PID1: variants seen among roughly 807,000 people sequenced by gnomAD.
The protein encoded by PID1 is PTB-containing, cubilin and LRP1-interacting protein.
A neutral mutation model predicts 19.1 loss-of-function variants in PID1; 10 were observed. The observed-to-expected ratio is 0.52, with a 90% CI of 0.32 to 0.89. The LOEUF (loss-of-function observed/expected upper bound fraction) is 0.89, where lower values mean the gene tolerates loss of function less well. Ranked by LOEUF, PID1 falls within the 40% of genes least tolerant of loss-of-function variation. PID1 has a pLI of 0.03. For synonymous variants in PID1, 130 were observed against 116.0 expected (o/e 1.12, Z -0.78); for missense variants, 248 against 285.3 (o/e 0.87, Z 0.94).
chr2:229,194,764 T>C (rs1056288964), intron 1 of PID1, among the ~76,000 whole-genome samples: 1 of 151,894 alleles, frequency 6.6e-6, no homozygotes, highest in Admixed American at 6.6e-5. Context: ...AAATAAGTAA[T>C]AGAGGATAGA....
At chr2:229,198,824 A>T (rs946330080) in intron 1 of PID1, among the ~76,000 whole-genome samples, 1 of 152,082 alleles carries the variant, frequency 6.6e-6, no homozygotes, top group African/African-American at 2.4e-5. Flanking sequence ...CAAGTGCAAT[A>T]GCCTCATAAC....
intron 2 of PID1, among the ~76,000 whole-genome samples, chr2:229,034,191 T>G (rs767029678): frequency 2.6e-5 from 4 of 152,184 alleles, no homozygotes; most frequent in Non-Finnish European, 1.5e-5. Context: ...TAATAAATTT[T>G]GGAGGTCTAG....
chr2:229,135,702 G>C (rs918955793), intron 2 of PID1, among the ~76,000 whole-genome samples: 1 of 152,184 alleles, frequency 6.6e-6, no homozygotes, highest in Non-Finnish European at 1.5e-5. Context: ...TGTGTGGATG[G>C]GGAGTGATGC....
At chr2:229,197,375 C>A (rs1691399709) in intron 1 of PID1, among the ~76,000 whole-genome samples, 1 of 151,946 alleles carries the variant, frequency 6.6e-6, no homozygotes, top group Non-Finnish European at 1.5e-5. Context: ...CTGGAAATCA[C>A]ACCTTCTATC....
chr2:229,210,154 A>C (rs1691696093), intron 1 of PID1, among the ~76,000 whole-genome samples: 2 of 151,552 alleles, frequency 1.3e-5, no homozygotes, highest in Non-Finnish European at 2.9e-5. Context: ...AAAAAAAAAA[A>C]AGTAAAATAT....
chr2:229,256,128 A>G (rs1014999644), intron 1 of PID1, among the ~76,000 whole-genome samples: 4 of 152,188 alleles, frequency 2.6e-5, no homozygotes. Context: ...CAATTCAAGT[A>G]TCCACAGGGC....
intron 1 of PID1, chr2:229,232,182 G>A: frequency 2.9e-6 from 4 of 1,366,052 alleles, no homozygotes; most frequent in Non-Finnish European, 3.8e-6. Context: ...CCAGCACTCT[G>A]GGAGGCCGAG....
intron 2 of PID1, among the ~76,000 whole-genome samples, chr2:229,128,110 A>G (rs1380417508): frequency 7.2e-6 from 1 of 139,130 alleles, no homozygotes; most frequent in African/African-American, 2.7e-5. Flanking sequence ...ATTACTAAAC[A>G]AGCCTTCAAG....
At chr2:229,193,719 T>G (rs1204683520) in intron 1 of PID1, among the ~76,000 whole-genome samples, 1 of 151,044 alleles carries the variant, frequency 6.6e-6, no homozygotes, top group Non-Finnish European at 1.5e-5. Context: ...AAATGACACA[T>G]AATTAATAAA....
At chr2:229,232,747 T>C (rs1295849838) in intron 1 of PID1, among the ~76,000 whole-genome samples, 3 of 148,180 alleles carry the variant, frequency 2.0e-5, no homozygotes, top group Admixed American at 6.8e-5. Context: ...ATAATGTTTG[T>C]TGACTGACCA....
chr2:229,060,557 T>C lies in PID1; in HGVS notation c.178-34449A>G, dbSNP rs550731245. Among the ~76,000 whole-genome samples, 42 of 152,296 alleles carry C rather than the reference T, an allele frequency of 2.8e-4. 1 individual carries two copies. In the South Asian group the frequency reaches 8.7e-3, roughly 32 times the overall value. ...TAGGTTGGCTCCATATCTTGGCTAT[T>C]GCGAATAATGCTGCAATGAACATGA... On this transcript the variant is annotated intron_variant, in intron 2 of 2. Transcript: ENST00000392055.
At chr2:229,161,618 G>T (rs539350527) in intron 1 of PID1, among the ~76,000 whole-genome samples, 1 of 152,304 alleles carries the variant, frequency 6.6e-6, no homozygotes, top group East Asian at 1.9e-4. Context: ...GTACTTATTT[G>T]AATAGACTAA....
intron 2 of PID1, among the ~76,000 whole-genome samples, chr2:229,054,176 G>T (rs1694049706): frequency 6.6e-6 from 1 of 152,214 alleles, no homozygotes; most frequent in South Asian, 2.1e-4. Flanking sequence ...AGGTAATTAA[G>T]TGATGGTTTG....
chr2:229,071,473 A>C (rs1356684563), intron 2 of PID1, among the ~76,000 whole-genome samples: 1 of 152,228 alleles, frequency 6.6e-6, no homozygotes, highest in African/African-American at 2.4e-5. Context: ...ATGTCATTTC[A>C]TAACAATCCT....
chr2:229,166,545 G>A (rs1035260622), intron 1 of PID1, among the ~76,000 whole-genome samples: 1 of 152,176 alleles, frequency 6.6e-6, no homozygotes, highest in African/African-American at 2.4e-5. Context: ...AAAATTTGCT[G>A]AGTGGAACAG....
In PID1 at chr2:229,041,198, C is replaced by T. The variant is rs545201003; in HGVS notation, c.178-15090G>A. Among the ~76,000 whole-genome samples the T allele has an allele frequency of 1.3e-3, 195 of 152,292 alleles. 1 individual carries two copies. Among genetic ancestry groups the T allele is most frequent in the African/African-American group, 4.5e-3 (187 of 41,566 alleles). On this transcript the variant is annotated intron_variant, in intron 2 of 2. Transcript: ENST00000392055. ...AGAAGCCATCCCTACTCAGACAGAG[C>T]TGTTTCAGGGCTGTCACACAAAACA...
rs146086077 is a variant in PID1 at position 229,124,778 on chromosome 2, T to C, written c.177+31040A>G. 2.0e-5 allele frequency among the ~76,000 whole-genome samples: 3 copies of C among 152,364 alleles called. No individual in the cohort carries two copies. The East Asian group carries it at 5.8e-4, about 29-fold the overall frequency. On this transcript the variant is annotated intron_variant, in intron 2 of 2. Coordinates refer to ENST00000392055, the MANE Select transcript of PID1 (RefSeq NM_001100818.2). ...ATTCTCAGTTCAAATTATATTGTGC[T>C]AGTTTGTAACAGAGTCTGGGTGGAC...
chr2:229,195,711 A>T (rs2106235742), intron 1 of PID1, among the ~76,000 whole-genome samples: 1 of 152,064 alleles, frequency 6.6e-6, no homozygotes, highest in South Asian at 2.1e-4. Flanking sequence ...TACAGACAAA[A>T]AGTGTTTCAT....
chr2:229,222,900 CAT>C (rs68146066), intron 1 of PID1, among the ~76,000 whole-genome samples: 4,011 of 39,984 alleles, frequency 0.1, 153 homozygotes, highest in African/African-American at 0.35. Context: ...CACACACACA[CAT>C]GTACCCTATT....
Sources: allele counts gnomAD v4.1 joint callset (sites outside exome capture counted in the v4.1 genomes callset), GRCh38; gene constraint gnomAD v4.1.1; transcripts MANE v1.5; gene names NCBI Gene and HGNC (gene_info 2026-07-23, HGNC 2026-07-21).